The following CDH23 variants were observed in gnomAD, a reference collection of about 807,000 sequenced individuals.
CDH23 encodes the protein cadherin related 23, also known as cadherin-23.
CDH23 carries 189 observed loss-of-function variants against 317.1 expected under a neutral mutation model. That is an observed-to-expected ratio of 0.60 (90% CI 0.53 to 0.67). CDH23 has a LOEUF of 0.67. CDH23 is among the 30% of genes least tolerant of loss of function. The probability of loss-of-function intolerance (pLI) is 0.00; values close to 1 mark genes in which losing one functional copy is unlikely to be tolerated. For missense variants in CDH23, 4,401 were observed against 4,592.4 expected (o/e 0.96, Z 1.20); for synonymous variants, 1,839 against 1,876.8 (o/e 0.98, Z 0.52).
intron 3 of CDH23, among the ~76,000 whole-genome samples, chr10:71,500,789 C>CTTT (rs1353286912): frequency 6.9e-6 from 1 of 145,490 alleles, no homozygotes; most frequent in South Asian, 2.2e-4. Flanking sequence ...CTTTTCTTTT[C>CTTT]TTTTCTTTTC....
At chr10:71,651,754 C>A (rs1340573862) in intron 14 of CDH23, among the ~76,000 whole-genome samples, 1 of 152,160 alleles carries the variant, frequency 6.6e-6, no homozygotes, top group African/African-American at 2.4e-5. Flanking sequence ...TGGGGAAGGC[C>A]TATATCAAAC....
intron 3 of CDH23, among the ~76,000 whole-genome samples, chr10:71,458,358 G>T (rs1424227292): frequency 6.6e-6 from 1 of 152,236 alleles, no homozygotes; most frequent in Admixed American, 6.5e-5. Flanking sequence ...CACAGTGCAT[G>T]GAGTGGGAGG....
intron 22 of CDH23, among the ~76,000 whole-genome samples, chr10:71,700,457 T>C (rs1708554216): frequency 6.6e-6 from 1 of 152,228 alleles, no homozygotes; most frequent in Non-Finnish European, 1.5e-5. Flanking sequence ...ATGCTGGTCT[T>C]CTATGTCCAT....
chr10:71,761,477 TG>T, intron 38 of CDH23: 1 of 1,199,946 alleles, frequency 8.3e-7, no homozygotes, highest in African/African-American at 1.5e-5. Context: ...ACACACTCCC[TG>T]GAGTGCCAGT....
chr10:71,761,205 C>T (rs774057568), intron 38 of CDH23, among the ~76,000 whole-genome samples: 20 of 152,194 alleles, frequency 1.3e-4, no homozygotes, highest in Admixed American at 5.9e-4. Context: ...AACAGACAGA[C>T]ACACACACGC....
chr10:71,698,865 C>G (rs1211025915), intron 22 of CDH23, among the ~76,000 whole-genome samples: 3 of 152,164 alleles, frequency 2.0e-5, no homozygotes, highest in Non-Finnish European at 4.4e-5. Context: ...CCTCTGGTAC[C>G]AAAATGCCCA....
At chr10:71,643,559 G>GT (rs1862671004) in intron 11 of CDH23, among the ~76,000 whole-genome samples, 2 of 151,136 alleles carry the variant, frequency 1.3e-5, no homozygotes, top group Admixed American at 1.3e-4. Context: ...AGGAGCCCTT[G>GT]CCCCCCCCTC....
intron 9 of CDH23, among the ~76,000 whole-genome samples, chr10:71,594,449 C>T (rs1285414269): frequency 6.6e-6 from 1 of 152,160 alleles, no homozygotes; most frequent in African/African-American, 2.4e-5. Context: ...TCTTGGCTCA[C>T]CACAAACTCC....
intron 1 of CDH23, among the ~76,000 whole-genome samples, chr10:71,408,921 G>C (rs920847160): frequency 7.2e-5 from 11 of 152,240 alleles, no homozygotes; most frequent in African/African-American, 2.7e-4. Context: ...CTCCTTTCTA[G>C]TGTTGATGCA....
intron 69 of CDH23, 23 bp from the exon 70 acceptor site, chr10:71,814,929 G>A (rs1338824063): frequency 6.3e-7 from 1 of 1,590,966 alleles, no homozygotes; most frequent in East Asian, 2.3e-5. Context: ...CCCTGAGCAT[G>A]TGGGGGTCCC....
chr10:71,707,234 G>A, intron 26 of CDH23, 185 bp downstream of exon 26: 1 of 1,476,660 alleles, frequency 6.8e-7, no homozygotes, highest in Non-Finnish European at 9.0e-7. Context: ...CAAGGGCTTT[G>A]CAGCTGGATC....
intron 1 of CDH23, among the ~76,000 whole-genome samples, chr10:71,423,285 A>C (rs1202626318): frequency 6.6e-6 from 1 of 152,100 alleles, no homozygotes; most frequent in African/African-American, 2.4e-5. Context: ...ATCAGAGGAG[A>C]CTCCAAAGGA....
intron 6 of CDH23, among the ~76,000 whole-genome samples, chr10:71,516,012 G>A (rs1313656374): frequency 3.3e-5 from 5 of 152,198 alleles, no homozygotes; most frequent in East Asian, 1.9e-4. Context: ...AGACTATGGT[G>A]TCTATGAATA....
At chr10:71,605,263 A>G (rs78444902) in intron 9 of CDH23, among the ~76,000 whole-genome samples, 2 of 151,784 alleles carry the variant, frequency 1.3e-5, no homozygotes, top group African/African-American at 4.8e-5. Flanking sequence ...AAAAAAAAAA[A>G]GAAAGACAAC....
intron 3 of CDH23, among the ~76,000 whole-genome samples, chr10:71,476,464 G>A (rs2132103224): frequency 6.6e-6 from 1 of 152,254 alleles, no homozygotes; most frequent in East Asian, 1.9e-4. Context: ...CCAAGAAAGG[G>A]GCAAGATGTG....
intron 9 of CDH23, among the ~76,000 whole-genome samples, chr10:71,591,883 G>A (rs1385136827): frequency 6.6e-6 from 1 of 152,104 alleles, no homozygotes; most frequent in Non-Finnish European, 1.5e-5. Context: ...CACCCACACG[G>A]CAATGTTTTT....
intron 14 of CDH23, among the ~76,000 whole-genome samples, chr10:71,656,299 T>A (rs1453464153): frequency 2.0e-5 from 3 of 152,192 alleles, no homozygotes; most frequent in Admixed American, 1.3e-4. Flanking sequence ...TGACCCTGCT[T>A]CCCTGGCTAC....
rs748972203 is a variant in CDH23 at position 71,725,499 on chromosome 10, C to A, written c.3558C>A (p.Gly1186=). 1 of 1,613,640 alleles carries A rather than the reference C, an allele frequency of 6.2e-7. No individual in the cohort carries two copies. Among genetic ancestry groups the A allele is most frequent in the Non-Finnish European group, 8.5e-7 (1 of 1,179,754 alleles). Residue 1186 remains glycine, a synonymous_variant, in exon 30 of 70, where the codon GGC becomes GGA. Transcript: ENST00000224721. ...LIVEAYNHDL[G]PMRSSVRVIV... ...TGGAGGCCTACAACCACGACCTGGG[C>A]CCCATGCGGAGCTCCGTCAGGGTGA...
rs770316556 is a variant in CDH23, at chr10:71,732,046, G to T, written c.3775G>T (p.Asp1259Tyr). ...GGGCGCAGAGGGGAAGTTTGAGATT[G>T]ACGAGAGCACAGGGCTTATCATCAC... ...LSGAEGKFEI[D>Y]ESTGLIITVN... Residue 1259 changes from aspartate to tyrosine, a missense_variant, in exon 32 of 70, where the codon GAC (aspartate) becomes TAC (tyrosine). Physicochemically the swap from Asp to Tyr is radical, Grantham distance 160 (BLOSUM62 -3). Transcript: ENST00000224721. 8 of 1,613,874 alleles carry T rather than the reference G, an allele frequency of 5.0e-6. No individual in the cohort carries two copies. In the African/African-American group the frequency reaches 9.3e-5, roughly 19 times the overall value.
Sources: gnomAD v4.1 joint callset for allele counts (sites outside exome capture counted in the v4.1 genomes callset) on GRCh38, gnomAD v4.1.1 for gene constraint, MANE v1.5 for transcripts, NCBI Gene and HGNC (gene_info 2026-07-23, HGNC 2026-07-21) for gene names.